Variants in NEK7 observed in about 807,000 individuals in gnomAD.
NEK7 encodes the protein NIMA related kinase 7, also known as serine/threonine-protein kinase Nek7.
Under a neutral mutation model 44.6 loss-of-function variants are expected in NEK7, and 18 were observed. The observed-to-expected ratio is 0.40, with a 90% CI of 0.28 to 0.60. The LOEUF (loss-of-function observed/expected upper bound fraction) is 0.60. Ranked by LOEUF, NEK7 falls within the 20% of genes least tolerant of loss-of-function variation. The probability of loss-of-function intolerance (pLI) is 0.38; values close to 1 mark genes in which losing one functional copy is unlikely to be tolerated. For missense variants in NEK7, 256 were observed against 366.5 expected (o/e 0.70, Z 2.46); for synonymous variants, 130 against 121.1 (o/e 1.07, Z -0.48).
chr1:198,311,370 A>G (rs1041338256), intron 9 of NEK7, among the ~76,000 whole-genome samples: 8 of 152,170 alleles, frequency 5.3e-5, no homozygotes, highest in Non-Finnish European at 1.0e-4. Context: ...ATATACAATC[A>G]TGTCATCTGC....
chr1:198,178,488 AG>A (rs1437170478), intron 1 of NEK7, among the ~76,000 whole-genome samples: 2 of 152,050 alleles, frequency 1.3e-5, no homozygotes, highest in Non-Finnish European at 2.9e-5. Flanking sequence ...GACTTTTCCA[AG>A]ATAATAGAAA....
intron 1 of NEK7, among the ~76,000 whole-genome samples, chr1:198,195,370 C>T (rs1017955362): frequency 1.3e-4 from 20 of 152,146 alleles, no homozygotes; most frequent in African/African-American, 4.8e-4. Flanking sequence ...CTGTCATTTA[C>T]ACATGATTTA....
At chr1:198,311,750 G>C (rs1655190896) in intron 9 of NEK7, among the ~76,000 whole-genome samples, 2 of 152,194 alleles carry the variant, frequency 1.3e-5, no homozygotes, top group South Asian at 4.1e-4. Context: ...TGATTGATTT[G>C]TGTATGTTGA....
At chr1:198,193,892 C>G (rs972235296) in intron 1 of NEK7, among the ~76,000 whole-genome samples, 14 of 152,252 alleles carry the variant, frequency 9.2e-5, no homozygotes, top group South Asian at 6.2e-4. Flanking sequence ...GAAGCATTCC[C>G]CTGGAAAACT....
intron 2 of NEK7, among the ~76,000 whole-genome samples, chr1:198,250,596 A>G (rs1475403232): frequency 1.6e-4 from 22 of 137,450 alleles, no homozygotes; most frequent in African/African-American, 5.2e-4. Context: ...GGTCCTTCAC[A>G]TCCCTTGTAA....
intron 9 of NEK7, among the ~76,000 whole-genome samples, chr1:198,317,700 T>C (rs973589008): frequency 1.3e-5 from 2 of 152,010 alleles, no homozygotes. Flanking sequence ...ATAATGAACT[T>C]TTTGTACCAT....
chr1:198,226,856 T>C (rs1558065648), intron 1 of NEK7, among the ~76,000 whole-genome samples: 1 of 106,652 alleles, frequency 9.4e-6, no homozygotes, highest in South Asian at 3.9e-4. Context: ...ACCTGCTTTG[T>C]CTGATTGTAG....
rs906338273 is a variant in NEK7, at chr1:198,320,520, G to T, written c.*998G>T. 9 of 152,040 alleles carry T rather than the reference G, an allele frequency of 5.9e-5. No individual in the cohort carries two copies. The South Asian group carries it at 6.2e-4, about 11-fold the overall frequency. 9.4% of individuals were successfully genotyped at this position (152,040 alleles called of 1,614,324 possible). ...TTACTTTCTTATTTATATTGTATGTGCATTTTATCCATTAATGTTTCATAC... is the reference window on the plus strand; with the variant it reads ...TTACTTTCTTATTTATATTGTATGTTCATTTTATCCATTAATGTTTCATAC... On this transcript the variant is annotated 3_prime_UTR_variant, in exon 10 of 10. Transcript: ENST00000367385.
At chr1:198,206,260 A>AG (rs1177998607) in intron 1 of NEK7, among the ~76,000 whole-genome samples, 1 of 152,166 alleles carries the variant, frequency 6.6e-6, no homozygotes, top group Non-Finnish European at 1.5e-5. Context: ...TTAGGGAGTG[A>AG]GTTACAGTAA....
At chr1:198,210,741 CTTTTTTTTTTTTTTT>C (rs140181207) in intron 1 of NEK7, among the ~76,000 whole-genome samples, 134 of 57,544 alleles carry the variant, frequency 2.3e-3, no homozygotes, top group African/African-American at 9.0e-3. Context: ...ATTTGTATTT[CTTTTTTTTTTTTTTT>C]TTTTTTTTTT....
intron 1 of NEK7, among the ~76,000 whole-genome samples, chr1:198,199,547 T>C (rs1665355494): frequency 6.6e-6 from 1 of 152,208 alleles, no homozygotes; most frequent in South Asian, 2.1e-4. Flanking sequence ...TTTTTTATAT[T>C]GCTTTTTCTG....
chr1:198,182,015 A>G (rs918243611), intron 1 of NEK7, among the ~76,000 whole-genome samples: 2 of 152,088 alleles, frequency 1.3e-5, no homozygotes, highest in Non-Finnish European at 2.9e-5. Context: ...GGCTTTATAT[A>G]CTTGATATGT....
chr1:198,277,947 T>C lies in NEK7; in HGVS notation c.373-14T>C, dbSNP rs878985720. ...TTTTAGTTTTTATAGTTCTTATTTT[T>C]AATTTTCAAAAAGCATTTTAAGAAG... On this transcript the variant is annotated splice_polypyrimidine_tract_variant and intron_variant, in intron 5 of 9. Transcript: ENST00000367385. The C allele has an allele frequency of 1.3e-6, 2 of 1,511,446 alleles. No individual in the cohort carries two copies. Among genetic ancestry groups the C allele is most frequent in the Non-Finnish European group, 1.8e-6 (2 of 1,093,800 alleles). The allele number at this position is 1,511,446 out of a possible 1,614,324, so 93.6% of individuals were successfully genotyped here.
chr1:198,228,065 C>G (rs1666281045), intron 1 of NEK7, among the ~76,000 whole-genome samples: 1 of 152,178 alleles, frequency 6.6e-6, no homozygotes, highest in South Asian at 2.1e-4. Context: ...AGGAAGGGAT[C>G]CAGTTGCAGC....
At position 198,224,901 on chromosome 1, in the gene NEK7, T is replaced by A. The variant is rs142216603; in HGVS notation, c.-28-7652T>A. Among the ~76,000 whole-genome samples, 117 of 152,180 alleles carry A rather than the reference T, an allele frequency of 7.7e-4. 1 individual carries two copies. In the East Asian group the frequency reaches 0.016, roughly 20 times the overall value. On this transcript the variant is annotated intron_variant, in intron 1 of 9. Transcript: ENST00000367385. ...AAAAAAAGATTGGAGGAAAAGTAAG[T>A]TTTGTAGTGCATGAGAGGTGGAATG...
intron 5 of NEK7, among the ~76,000 whole-genome samples, chr1:198,267,896 C>T (rs1233377502): frequency 1.3e-5 from 2 of 151,986 alleles, no homozygotes; most frequent in Non-Finnish European, 1.5e-5. Context: ...CAACCTACCA[C>T]TCGTAATGGC....
intron 1 of NEK7, among the ~76,000 whole-genome samples, chr1:198,225,761 C>T (rs1188531744): frequency 1.3e-5 from 2 of 151,926 alleles, no homozygotes; most frequent in Non-Finnish European, 2.9e-5. Flanking sequence ...TTCCTCTTCT[C>T]AGAATTCCTC....
At chr1:198,252,684 TTATG>T (rs1653102091) in intron 2 of NEK7, among the ~76,000 whole-genome samples, 1 of 121,954 alleles carries the variant, frequency 8.2e-6, no homozygotes, top group Non-Finnish European at 1.6e-5. Context: ...ATATGTATGT[TTATG>T]TATTAAAACA....
At chr1:198,160,683 T>C (rs1339629630) in intron 1 of NEK7, among the ~76,000 whole-genome samples, 2 of 152,112 alleles carry the variant, frequency 1.3e-5, no homozygotes, top group Non-Finnish European at 2.9e-5. Context: ...AATTTAATTC[T>C]CCCCCCTCCA....
Sources: gnomAD v4.1 joint callset for allele counts (sites outside exome capture counted in the v4.1 genomes callset) on GRCh38, gnomAD v4.1.1 for gene constraint, MANE v1.5 for transcripts, NCBI Gene and HGNC (gene_info 2026-07-23, HGNC 2026-07-21) for gene names.